Variants in DMRT1 observed in about 807,000 individuals in gnomAD.
DMRT1 encodes doublesex and mab-3 related transcription factor 1.
DMRT1 carries 7 observed loss-of-function variants against 32.3 expected under a neutral mutation model. The ratio of observed to expected loss-of-function variants is 0.22; its 90% CI spans 0.12 to 0.41. The LOEUF (loss-of-function observed/expected upper bound fraction) is 0.41, where lower values mean the gene tolerates loss of function less well. Among genes scored for constraint, DMRT1 ranks in the 10% least tolerant of loss-of-function variants. The pLI is 1.00. For synonymous variants in DMRT1, 278 were observed against 206.1 expected, an observed-to-expected ratio of 1.35 and a Z score of -2.99; for missense variants, 625 against 500.5, an observed-to-expected ratio of 1.25 and a Z score of -2.37.
intron 2 of DMRT1, among the ~76,000 whole-genome samples, chr9:870,069 T>C (rs145615815): frequency 2.6e-5 from 4 of 152,344 alleles, no homozygotes; most frequent in Non-Finnish European, 4.4e-5. Flanking sequence ...AGTTGACCTT[T>C]TGGGGGCAAA....
chr9:902,272 C>G (rs1297927175), intron 3 of DMRT1, among the ~76,000 whole-genome samples: 1 of 149,332 alleles, frequency 6.7e-6, no homozygotes, highest in African/African-American at 2.5e-5. Flanking sequence ...TGTTAATGCT[C>G]TTATTCAGCA....
At chr9:932,470 A>C (rs749274165) in intron 4 of DMRT1, among the ~76,000 whole-genome samples, 11 of 152,228 alleles carry the variant, frequency 7.2e-5, no homozygotes, top group Non-Finnish European at 1.5e-4. Context: ...TCCATATATG[A>C]AAAATAAACT....
chr9:846,274 C>G (rs569229545), intron 1 of DMRT1, among the ~76,000 whole-genome samples: 1 of 152,042 alleles, frequency 6.6e-6, no homozygotes, highest in African/African-American at 2.4e-5. Flanking sequence ...CTCCGGTGAT[C>G]GGCCCACCTC....
chr9:874,679 T>C (rs1330930964), intron 2 of DMRT1, among the ~76,000 whole-genome samples: 1 of 152,124 alleles, frequency 6.6e-6, no homozygotes, highest in East Asian at 1.9e-4. Context: ...GAAATTTAGG[T>C]ATGCATCCTC....
intron 4 of DMRT1, among the ~76,000 whole-genome samples, chr9:930,611 T>G (rs572454559): frequency 5.9e-5 from 9 of 151,984 alleles, no homozygotes; most frequent in Non-Finnish European, 8.8e-5. Flanking sequence ...GGTTTCACCA[T>G]GTTAGCCAGG....
intron 4 of DMRT1, among the ~76,000 whole-genome samples, chr9:939,850 G>T (rs1484798857): frequency 1.3e-5 from 2 of 152,082 alleles, no homozygotes; most frequent in Non-Finnish European, 2.9e-5. Flanking sequence ...ACCTATAAGG[G>T]TGGACATTAT....
intron 3 of DMRT1, among the ~76,000 whole-genome samples, chr9:902,115 G>A (rs535324838): frequency 2.7e-5 from 4 of 148,304 alleles, no homozygotes; most frequent in South Asian, 2.2e-4. Context: ...TTGCCATGTT[G>A]GCCAGGCTGG....
chr9:846,388 C>A (rs1478280894), intron 1 of DMRT1, among the ~76,000 whole-genome samples: 1 of 152,038 alleles, frequency 6.6e-6, no homozygotes, highest in African/African-American at 2.4e-5. Flanking sequence ...CTTACTGGTA[C>A]CTGTTTTTAG....
chr9:919,439 C>T (rs765980522), intron 4 of DMRT1, among the ~76,000 whole-genome samples: 4 of 151,880 alleles, frequency 2.6e-5, no homozygotes, highest in African/African-American at 9.7e-5. Flanking sequence ...GGGCATTTTA[C>T]AGGGCAAGTT....
rs189581407 is a variant in DMRT1 at position 957,369 on chromosome 9, T to C, written c.968-10616T>C. Among the ~76,000 whole-genome samples the C allele has an allele frequency of 3.0e-3, 461 of 152,326 alleles. 9 individuals carry two copies. The highest frequency in any genetic ancestry group is 0.011 in the African/African-American group (452 of 41,568). On this transcript the variant is annotated intron_variant, in intron 4 of 4. Transcript: ENST00000382276. ...TGGACAGAAGATACCACAAAAATGTTTTAAGAAATACATGTATTAAAGAAT... is the reference window on the plus strand; with the variant it reads ...TGGACAGAAGATACCACAAAAATGTCTTAAGAAATACATGTATTAAAGAAT...
intron 4 of DMRT1, among the ~76,000 whole-genome samples, chr9:943,559 A>G (rs1056443719): frequency 6.6e-6 from 1 of 152,238 alleles, no homozygotes; most frequent in African/African-American, 2.4e-5. Context: ...ACAGTTGTCT[A>G]ACACTTACAT....
chr9:925,379 A>G (rs1818487133), intron 4 of DMRT1, among the ~76,000 whole-genome samples: 1 of 152,212 alleles, frequency 6.6e-6, no homozygotes, highest in Non-Finnish European at 1.5e-5. Flanking sequence ...TATGCCATGT[A>G]GAATCTTCCC....
At chr9:940,727 A>T (rs1339624369) in intron 4 of DMRT1, among the ~76,000 whole-genome samples, 2 of 152,218 alleles carry the variant, frequency 1.3e-5, no homozygotes, top group African/African-American at 4.8e-5. Flanking sequence ...ACATCAAAAG[A>T]CACTATTCAA....
At chr9:887,390 CT>C (rs1816973182) in intron 2 of DMRT1, among the ~76,000 whole-genome samples, 1 of 152,148 alleles carries the variant, frequency 6.6e-6, no homozygotes, top group Non-Finnish European at 1.5e-5. Context: ...GTTTTTTGTG[CT>C]TTGACCAGAT....
chr9:966,181 G>T (rs923794939), intron 4 of DMRT1, among the ~76,000 whole-genome samples: 6 of 152,100 alleles, frequency 3.9e-5, no homozygotes, highest in Non-Finnish European at 5.9e-5. Context: ...CCTTGGATTT[G>T]CATGGAATTT....
intron 4 of DMRT1, among the ~76,000 whole-genome samples, chr9:945,696 C>T (rs1390050832): frequency 1.3e-5 from 2 of 148,282 alleles, no homozygotes; most frequent in Non-Finnish European, 1.5e-5. Flanking sequence ...TGTTTTTATT[C>T]TCTGTAGTTC....
At chr9:877,307 G>A (rs1478176834) in intron 2 of DMRT1, among the ~76,000 whole-genome samples, 5 of 152,170 alleles carry the variant, frequency 3.3e-5, no homozygotes. Flanking sequence ...GTTTTGAACC[G>A]TGTAATACCT....
Position 968,224 on chromosome 9 carries a change from T to A in DMRT1, c.*85T>A. On this transcript the variant is annotated 3_prime_UTR_variant, in exon 5 of 5. Coordinates refer to ENST00000382276, the MANE Select transcript of DMRT1 (RefSeq NM_021951.3). ...GGGTTTGTTAATATTTTGCATTGAC[T>A]CATACTATCTTAACTGTTGAGAACG... The A allele has an allele frequency of 6.7e-7, 1 of 1,500,916 alleles. No individual in the cohort carries two copies. Among genetic ancestry groups the A allele is most frequent in the Non-Finnish European group, 9.1e-7 (1 of 1,095,626 alleles). The allele number at this position is 1,500,916 out of a possible 1,614,324, so 93.0% of individuals were successfully genotyped here.
At chr9:906,057 A>T (rs62530271) in intron 3 of DMRT1, among the ~76,000 whole-genome samples, 2 of 151,452 alleles carry the variant, frequency 1.3e-5, no homozygotes, top group African/African-American at 4.9e-5. Flanking sequence ...ACACACTCAC[A>T]CACTCTTCCA....
Sources: allele counts gnomAD v4.1 joint callset (sites outside exome capture counted in the v4.1 genomes callset), GRCh38; gene constraint gnomAD v4.1.1; transcripts MANE v1.5; gene names NCBI Gene and HGNC (gene_info 2026-07-23, HGNC 2026-07-21).